AKTIP: variants seen among roughly 807,000 people sequenced by gnomAD.
AKTIP encodes AKT-interacting protein.
Under a neutral mutation model 39.1 loss-of-function variants are expected in AKTIP, and 16 were observed. That is an observed-to-expected ratio of 0.41 (90% CI 0.28 to 0.62). AKTIP has a LOEUF of 0.62. AKTIP is among the 20% of genes least tolerant of loss of function. The pLI, the probability that AKTIP is intolerant of heterozygous loss-of-function variation, is 0.32. For synonymous variants in AKTIP, 93 were observed against 124.3 expected (o/e 0.75, Z 1.67); for missense variants, 262 against 356.6 (o/e 0.73, Z 2.14).
At chr16:53,501,328 C>A (rs921049678) in intron 1 of AKTIP, 3 of 152,188 alleles carry the variant, frequency 2.0e-5, no homozygotes, top group Non-Finnish European at 4.4e-5. Context: ...AACACAGGCA[C>A]GCAAGAGAGA....
intron 3 of AKTIP, among the ~76,000 whole-genome samples, chr16:53,497,492 T>G (rs909499054): frequency 6.6e-6 from 1 of 152,198 alleles, no homozygotes; most frequent in African/African-American, 2.4e-5. Context: ...CTGTCTCTTC[T>G]CCAAGAAAAC....
chr16:53,498,491 T>C lies in AKTIP; in HGVS notation c.148A>G (p.Ile50Val), dbSNP rs767844319. 5.6e-6 allele frequency: 9 copies of C among 1,614,060 alleles called. No individual in the cohort carries two copies. The Middle Eastern group carries it at 6.6e-4, about 118-fold the overall frequency. The change falls in exon 3 of 10, where the codon ATA (isoleucine) becomes GTA (valine). Residue 50 changes from isoleucine to valine, a missense_variant. Ile to Val is a conservative substitution (Grantham distance 29). Around this residue, in one of 4 missense-constraint regions of AKTIP, gnomAD observed 88 missense variants for 132.1 expected, o/e 0.67. Coordinates refer to ENST00000394657, the MANE Select transcript of AKTIP (RefSeq NM_022476.4). ...GGGGCAGGAGATGTAGGCTTAGTTA[T>C]GGGCAAAGCATTTTTGGGAATAGAA... is the stretch of plus-strand genomic sequence containing the variant. ...LPSIPKNALP[I>V]TKPTSPAPAA...
chr16:53,500,723 T>C (rs1175040793), intron 1 of AKTIP, among the ~76,000 whole-genome samples: 1 of 152,212 alleles, frequency 6.6e-6, no homozygotes, highest in Non-Finnish European at 1.5e-5. Context: ...TATGACACCC[T>C]GGATATACAA....
intron 1 of AKTIP, 61 bp downstream of exon 1, chr16:53,503,086 C>A (rs1379808098): frequency 6.6e-6 from 1 of 152,320 alleles, no homozygotes; most frequent in Non-Finnish European, 1.5e-5. Context: ...AGGCTGGCGG[C>A]CAGATTTACA....
At chr16:53,495,397 C>A in intron 3 of AKTIP, 71 bp from the exon 4 acceptor site, 1 of 1,451,904 alleles carries the variant, frequency 6.9e-7, no homozygotes, top group Non-Finnish European at 9.6e-7. Context: ...ACCCCACATT[C>A]ACTTTGAGAC....
At chr16:53,495,387 A>G in intron 3 of AKTIP, 61 bp from the exon 4 acceptor site, 14 of 1,512,838 alleles carry the variant, frequency 9.3e-6, no homozygotes, top group Non-Finnish European at 1.3e-5. Flanking sequence ...AGATCAAACC[A>G]CCCCACATTC....
At chr16:53,503,973 G>A (rs937878549), upstream of AKTIP, among the ~76,000 whole-genome samples, 18 of 152,060 alleles carry the variant, frequency 1.2e-4, no homozygotes, top group Non-Finnish European at 2.4e-4. Context: ...GGGGGCCGGG[G>A]GCTGGGGGGA....
At position 53,492,066 on chromosome 16, in the gene AKTIP, T is replaced by C; in HGVS notation, c.*346A>G. ...ATATATACAACTGAAACCACTGATT[T>C]ATAAACTATTAAGTAGTGCTGAATT... On this transcript the variant is annotated 3_prime_UTR_variant, in exon 10 of 10. Coordinates refer to ENST00000394657, the MANE Select transcript of AKTIP (RefSeq NM_022476.4). 5.0e-6 allele frequency: 1 copy of C among 199,456 alleles called. No individual in the cohort carries two copies. 12.4% of individuals were successfully genotyped at this position (199,456 alleles called of 1,614,324 possible). A position where few individuals can be genotyped will look rare whatever the true frequency, so the allele number is the denominator to read the frequency against.
chr16:53,498,225 C>T (rs1473817749), intron 3 of AKTIP, among the ~76,000 whole-genome samples, 166 bp downstream of exon 3: 1 of 152,194 alleles, frequency 6.6e-6, no homozygotes, highest in Non-Finnish European at 1.5e-5. Flanking sequence ...ATTTTATCAC[C>T]AGCAATAGCC....
rs752861266 is a variant in AKTIP, at chr16:53,495,285, T to G, written c.290A>C (p.Gln97Pro). ...VKQKLPGVYVQPSYRSALMWF... is the reference protein window; with the variant it reads ...VKQKLPGVYVPPSYRSALMWF... The stretch of plus-strand genomic sequence containing the variant: ...ACTTAATGCAGAGCGATAAGATGGC[T>G]GCACATAGACGCCTGGTAGCTTCTG... Residue 97 changes from glutamine to proline, a missense_variant, in exon 4 of 10, where the codon CAG (glutamine) becomes CCG (proline). Around this residue, in one of 4 missense-constraint regions of AKTIP, gnomAD observed 88 missense variants for 132.1 expected, o/e 0.67. Transcript: ENST00000394657. 6.2e-7 allele frequency: 1 copy of G among 1,614,250 alleles called. No individual in the cohort carries two copies. The highest frequency in any genetic ancestry group is 8.5e-7 in the Non-Finnish European group (1 of 1,180,044).
chr16:53,497,632 G>A (rs1005859894), intron 3 of AKTIP, among the ~76,000 whole-genome samples: 3 of 152,174 alleles, frequency 2.0e-5, no homozygotes, highest in Admixed American at 1.3e-4. Context: ...CCCTCCAGAT[G>A]GGTCTGACCC....
Position 53,500,323 on chromosome 16 carries a change from A to C in AKTIP, c.-64T>G. On this transcript the variant is annotated 5_prime_UTR_variant, in exon 2 of 10. Coordinates refer to ENST00000394657, the MANE Select transcript of AKTIP (RefSeq NM_022476.4). ...TCCAAATCTTCTGTCTTCGGCATTCACTTTACCTTAAAACAAGACGGGAAG... is the reference window on the plus strand; with the variant it reads ...TCCAAATCTTCTGTCTTCGGCATTCCCTTTACCTTAAAACAAGACGGGAAG... 6.3e-7 allele frequency: 1 copy of C among 1,591,006 alleles called. No individual in the cohort carries two copies. Among genetic ancestry groups the C allele is most frequent in the Non-Finnish European group, 8.5e-7 (1 of 1,172,858 alleles).
chr16:53,496,087 T>C (rs574985773), intron 3 of AKTIP, among the ~76,000 whole-genome samples: 1 of 152,360 alleles, frequency 6.6e-6, no homozygotes, highest in South Asian at 2.1e-4. Context: ...GCCATTCTGA[T>C]CACATTAACC....
At position 53,498,578 on chromosome 16, in the gene AKTIP, T is replaced by C. The variant is rs1250209537; in HGVS notation, c.61A>G (p.Lys21Glu). 4 of 1,614,014 alleles carry C rather than the reference T, an allele frequency of 2.5e-6. No homozygotes were observed. The Admixed American group carries it at 6.7e-5, about 27-fold the overall frequency. ...GTTTTCACGTCCCCTGTTAATGTCT[T>C]CTCTTCACCTTCAGATCGCTATACA... ...SVRKRSEGEE[K>E]TLTGDVKTSP... is the part of the protein sequence containing the mutation. Residue 21 changes from lysine to glutamate, a missense_variant, in exon 3 of 10, where the codon AAG becomes GAG. By Grantham distance (56) the Lys-to-Glu change is moderately conservative. Transcript: ENST00000394657.
intron 5 of AKTIP, 149 bp downstream of exon 5, chr16:53,494,924 C>T: frequency 1.2e-6 from 1 of 805,906 alleles, no homozygotes; most frequent in Non-Finnish European, 2.1e-6. Context: ...ATGCCGGAAG[C>T]TGCTGCAAAG....
At chr16:53,498,121 G>A (rs543185827) in intron 3 of AKTIP, among the ~76,000 whole-genome samples, 1 of 152,222 alleles carries the variant, frequency 6.6e-6, no homozygotes, top group Non-Finnish European at 1.5e-5. Context: ...GGAAATTAAA[G>A]TACCCTCTGC....
At chr16:53,501,789 C>T (rs544731235) in intron 1 of AKTIP, 1 of 152,338 alleles carries the variant, frequency 6.6e-6, no homozygotes, top group African/African-American at 2.4e-5. Flanking sequence ...GTAATTAAAT[C>T]AGAGGAATGA....
At position 53,491,893 on chromosome 16, in the gene AKTIP, G is replaced by A. The variant is rs1431746862; in HGVS notation, c.*519C>T. 1 of 152,616 alleles carries A rather than the reference G, an allele frequency of 6.6e-6. No homozygotes were observed. The highest frequency in any genetic ancestry group is 1.5e-5 in the Non-Finnish European group (1 of 68,060). 9.5% of individuals were successfully genotyped at this position (152,616 alleles called of 1,614,324 possible). ...TCTGGTTTCTTCTCACTGAACTAAA[G>A]ACATTTCTCAGTGATTTCAGTTTGT... On this transcript the variant is annotated 3_prime_UTR_variant, in exon 10 of 10. Transcript: ENST00000394657.
chr16:53,491,447 TATTAGGGAGAAA>T lies in AKTIP; in HGVS notation c.*953_*964del, dbSNP rs1961450296. 6.6e-6 allele frequency: 1 copy of T among 152,584 alleles called. No homozygotes were observed. Among genetic ancestry groups the T allele is most frequent in the East Asian group, 1.9e-4 (1 of 5,192 alleles). 9.5% of individuals were successfully genotyped at this position (152,584 alleles called of 1,614,324 possible). A position where few individuals can be genotyped will look rare whatever the true frequency, so the allele number is the denominator to read the frequency against. ...AGTTTTCAAGTCAAATTAATAATCTTATTAGGGAGAAAATTCAATTGTAAATTGAATCAGTAT... is the reference window on the plus strand; with the variant it reads ...AGTTTTCAAGTCAAATTAATAATCTTATTCAATTGTAAATTGAATCAGTAT... On this transcript the variant is annotated 3_prime_UTR_variant, in exon 10 of 10. Transcript: ENST00000394657.
Sources: gnomAD v4.1 joint callset for allele counts (sites outside exome capture counted in the v4.1 genomes callset) on GRCh38, gnomAD v4.1.1 for gene constraint, gnomAD v4.1.1 regional missense constraint, MANE v1.5 for transcripts, NCBI Gene and HGNC (gene_info 2026-07-23, HGNC 2026-07-21) for gene names.